Variants in CCDC38 observed in about 807,000 individuals in gnomAD.
CCDC38 encodes the protein coiled-coil domain containing 38.
A neutral mutation model predicts 72.8 loss-of-function variants in CCDC38; 69 were observed. The ratio of observed to expected loss-of-function variants is 0.95; its 90% CI spans 0.78 to 1.16. The LOEUF is 1.16. Ranked by LOEUF, CCDC38 falls within the 50% of genes most tolerant of loss-of-function variation. The pLI, the probability that CCDC38 is intolerant of heterozygous loss-of-function variation, is 0.00. For synonymous variants in CCDC38, 201 were observed against 213.2 expected (o/e 0.94, Z 0.50); for missense variants, 626 against 638.9 (o/e 0.98, Z 0.22).
chr12:95,904,519 A>C (rs2079981744), intron 5 of CCDC38, among the ~76,000 whole-genome samples: 1 of 152,276 alleles, frequency 6.6e-6, no homozygotes, highest in Non-Finnish European at 1.5e-5. Context: ...CCCATAAGGC[A>C]GAGCCTGAGT....
In CCDC38 at chr12:95,918,866, T is replaced by G; in HGVS notation, c.138+10A>C. The G allele has an allele frequency of 6.4e-7, 1 of 1,561,490 alleles. No homozygotes were observed. Among genetic ancestry groups the G allele is most frequent in the Non-Finnish European group, 8.8e-7 (1 of 1,132,944 alleles). ...CATTAATTGGGGTTGTGATTTTAAT[T>G]AAACTTTACCGTTTCCTTTGCTGCC... On this transcript the variant is annotated intron_variant, in intron 3 of 15. Transcript: ENST00000344280.
intron 2 of CCDC38, among the ~76,000 whole-genome samples, chr12:95,927,209 T>G (rs1340954863): frequency 6.6e-6 from 1 of 151,862 alleles, no homozygotes; most frequent in East Asian, 2.0e-4. Flanking sequence ...GGACTTGCTT[T>G]ATGAATCTGG....
At position 95,890,867 on chromosome 12, in the gene CCDC38, A is replaced by G; in HGVS notation, c.836T>C (p.Leu279Pro). ...TCTTCCCTGAGAAGCATCTTCTGAA[A>G]GGACAGCTGTCCTCCCGGACTCCTC... ...ILEESGRTAVLSEDASQGRDS... is the reference protein window; with the variant it reads ...ILEESGRTAVPSEDASQGRDS... Residue 279 changes from leucine to proline, a missense_variant, in exon 9 of 16, where the codon CTT (leucine) becomes CCT (proline). By Grantham distance (98) the Leu-to-Pro change is moderately conservative (BLOSUM62 -3). Transcript: ENST00000344280. 1 of 1,607,928 alleles carries G rather than the reference A, an allele frequency of 6.2e-7. No homozygotes were observed. Among genetic ancestry groups the G allele is most frequent in the Middle Eastern group, 1.7e-4 (1 of 6,042 alleles).
Position 95,931,362 on chromosome 12 carries a change from C to T in CCDC38, c.37+5111G>A, listed in dbSNP as rs73231453. ...GGCCCATTGGCTAATCCAGGATAACCTTCCCATATCAAGGTAATTAACTTA... is the reference window on the plus strand; with the variant it reads ...GGCCCATTGGCTAATCCAGGATAACTTTCCCATATCAAGGTAATTAACTTA... On this transcript the variant is annotated intron_variant, in intron 2 of 15. Coordinates refer to ENST00000344280, the MANE Select transcript of CCDC38 (RefSeq NM_182496.3). 7.2e-3 allele frequency among the ~76,000 whole-genome samples: 1,091 copies of T among 152,334 alleles called. 5 individuals are homozygous for T. Among genetic ancestry groups the T allele is most frequent in the Middle Eastern group, 0.024 (7 of 294 alleles).
At chr12:95,925,225 G>C in intron 2 of CCDC38, among the ~76,000 whole-genome samples, 1 of 152,116 alleles carries the variant, frequency 6.6e-6, no homozygotes, top group East Asian at 1.9e-4. Context: ...TTGAGCAGTG[G>C]TTTGTAGTTC....
intron 2 of CCDC38, among the ~76,000 whole-genome samples, chr12:95,932,651 G>C (rs1170653856): frequency 6.6e-6 from 1 of 152,082 alleles, no homozygotes; most frequent in Non-Finnish European, 1.5e-5. Flanking sequence ...AGAGAGATGA[G>C]TCATGTTTGT....
chr12:95,929,878 A>G (rs1438174957), intron 2 of CCDC38, among the ~76,000 whole-genome samples: 1 of 152,112 alleles, frequency 6.6e-6, no homozygotes, highest in African/African-American at 2.4e-5. Flanking sequence ...CTAGGGGAGA[A>G]TCCTTCCACA....
At position 95,879,333 on chromosome 12, in the gene CCDC38, G is replaced by A. The variant is rs916159688; in HGVS notation, c.1142+311C>T. Among the ~76,000 whole-genome samples, 4 of 152,166 alleles carry A rather than the reference G, an allele frequency of 2.6e-5. No homozygotes were observed. Among genetic ancestry groups the A allele is most frequent in the African/African-American group, 9.7e-5 (4 of 41,440 alleles). ...ATGACAGCTAGCCAAGTGATAGGGC[G>A]AAAACTATACCGGACAAAAGTTAAG... On this transcript the variant is annotated intron_variant, in intron 12 of 15. Transcript: ENST00000344280. The surrounding 1 kb of genome is among the most constrained non-coding windows in gnomAD (Gnocchi z 5.5).
At chr12:95,908,657 AGGAGAGGGAGAGGGAGAGGGAGAGGGG>A (rs1317383411) in intron 4 of CCDC38, among the ~76,000 whole-genome samples, 82 of 2,166 alleles carry the variant, frequency 0.038, 17 homozygotes, top group Non-Finnish European at 0.044. Flanking sequence ...AGGGAGAGGG[AGGAGAGGGAGAGGGAGAGGGAGAGGGG>A]GCTGTCAAAA....
chr12:95,886,972 T>C, intron 10 of CCDC38, among the ~76,000 whole-genome samples: 1 of 152,126 alleles, frequency 6.6e-6, no homozygotes, highest in Non-Finnish European at 1.5e-5. Flanking sequence ...TCACCTGAAG[T>C]CAGAAGTTCG....
intron 10 of CCDC38, among the ~76,000 whole-genome samples, chr12:95,881,842 AG>A (rs2079703804): frequency 6.6e-6 from 1 of 152,190 alleles, no homozygotes; most frequent in South Asian, 2.1e-4. Context: ...CTATAAAGTA[AG>A]GTAACTTTAT....
chr12:95,904,670 C>G (rs2121488590), intron 5 of CCDC38, among the ~76,000 whole-genome samples: 1 of 152,284 alleles, frequency 6.6e-6, no homozygotes, highest in Non-Finnish European at 1.5e-5. Context: ...AGAGTTTTCA[C>G]TGGGGCTTCA....
At position 95,879,913 on chromosome 12, in the gene CCDC38, CAGGT is replaced by C; in HGVS notation, c.991-122_991-119del. 1 of 680,298 alleles carries C rather than the reference CAGGT, an allele frequency of 1.5e-6. No individual in the cohort carries two copies. Among genetic ancestry groups the C allele is most frequent in the Non-Finnish European group, 2.3e-6 (1 of 428,328 alleles). The allele number at this position is 680,298 out of a possible 1,614,324, so 42.1% of individuals were successfully genotyped here. A position where few individuals can be genotyped will look rare whatever the true frequency, so the allele number is the denominator to read the frequency against. On this transcript the variant is annotated intron_variant, in intron 11 of 15. Transcript: ENST00000344280. The surrounding 1 kb of genome is among the most constrained non-coding windows in gnomAD (Gnocchi z 5.5). ...GACAGTTCTAAGGATGAGGGAGACA[CAGGT>C]AGGAACTTGTATGGGAAACTCGCCT... is the stretch of plus-strand genomic sequence containing the variant.
At chr12:95,930,142 C>G (rs567333947) in intron 2 of CCDC38, among the ~76,000 whole-genome samples, 11 of 152,244 alleles carry the variant, frequency 7.2e-5, no homozygotes, top group African/African-American at 2.6e-4. Flanking sequence ...TTGTGGAGGG[C>G]CACTATTCAA....
intron 5 of CCDC38, chr12:95,903,651 AT>A (rs2121486983): frequency 2.0e-6 from 1 of 497,794 alleles, no homozygotes; most frequent in East Asian, 3.0e-5. Flanking sequence ...GGATAATCAT[AT>A]GGGTTTTCAT....
At position 95,878,325 on chromosome 12, in the gene CCDC38, A is replaced by C. The variant is rs200579159; in HGVS notation, c.1164T>G (p.Leu388=). Residue 388 remains leucine (L), a synonymous_variant, in exon 13 of 16, where the codon CTT becomes CTG. Coordinates refer to ENST00000344280, the MANE Select transcript of CCDC38 (RefSeq NM_182496.3). ...QDKTNSNIEF[L]LEQEKMLKAN... ...CTTTAAGCATTTTTTCTTGCTCCAAAAGAAACTCTATGTTGCTATTTCTAT... is the reference window on the plus strand; with the variant it reads ...CTTTAAGCATTTTTTCTTGCTCCAACAGAAACTCTATGTTGCTATTTCTAT... 1.8e-4 allele frequency: 284 copies of C among 1,613,032 alleles called. 1 individual carries two copies. Among genetic ancestry groups the C allele is most frequent in the Non-Finnish European group, 9.3e-6 (11 of 1,179,642 alleles).
At chr12:95,904,359 CACTG>C (rs1221826748) in intron 5 of CCDC38, among the ~76,000 whole-genome samples, 17 of 152,356 alleles carry the variant, frequency 1.1e-4, no homozygotes, top group Middle Eastern at 3.4e-3. Flanking sequence ...TCACTTCTGA[CACTG>C]ACCGCAAGTT....
At chr12:95,872,574 T>A in intron 13 of CCDC38, 114 bp from the exon 14 acceptor site, 1 of 704,686 alleles carries the variant, frequency 1.4e-6, no homozygotes, top group East Asian at 2.8e-5. Flanking sequence ...TTTACATTTT[T>A]ATTTTTATTA....
upstream of CCDC38, chr12:95,943,160 AGAC>A (rs987953496): frequency 4.1e-5 from 20 of 491,970 alleles, no homozygotes; most frequent in African/African-American, 1.2e-4. Flanking sequence ...GGATGGGACA[AGAC>A]GACCAAAAAA....
Sources: gnomAD v4.1 joint callset for allele counts (sites outside exome capture counted in the v4.1 genomes callset) on GRCh38, gnomAD v4.1.1 for gene constraint, Gnocchi (gnomAD v3.1) non-coding constraint, MANE v1.5 for transcripts, NCBI Gene and HGNC (gene_info 2026-07-23, HGNC 2026-07-21) for gene names.